Variants in MYO9B observed in about 807,000 individuals in gnomAD.
The protein encoded by MYO9B is unconventional myosin-IXb.
Under a neutral mutation model 229.5 loss-of-function variants are expected in MYO9B, and 71 were observed. The ratio of observed to expected loss-of-function variants is 0.31; its 90% CI spans 0.26 to 0.38. The LOEUF (loss-of-function observed/expected upper bound fraction) is 0.38, where lower values mean the gene tolerates loss of function less well. Among genes scored for constraint, MYO9B ranks in the 10% least tolerant of loss-of-function variants. The probability of loss-of-function intolerance (pLI) is 1.00; values close to 1 mark genes in which losing one functional copy is unlikely to be tolerated. For missense variants in MYO9B, 2,255 were observed against 2,920.5 expected (o/e 0.77, Z 5.25); for synonymous variants, 1,185 against 1,235.8 (o/e 0.96, Z 0.86).
In MYO9B at chr19:17,211,937, C is replaced by T. The variant is rs773010575; in HGVS notation, c.6101C>T (p.Pro2034Leu). 17 of 1,505,670 alleles carry T rather than the reference C, an allele frequency of 1.1e-5. No homozygotes were observed. The highest frequency in any genetic ancestry group is 2.0e-4 in the Middle Eastern group (1 of 5,082). The allele number at this position is 1,505,670 out of a possible 1,614,324, so 93.3% of individuals were successfully genotyped here. ...PALPCPGAPTPSPLPTVAAPP... is the reference protein window; with the variant it reads ...PALPCPGAPTLSPLPTVAAPP... ...CTCCCTTGCCCCGGCGCGCCCACCC[C>T]GAGCCCCCTCCCCACCGTGGCCGCC... Residue 2034 changes from proline (P) to leucine (L), a missense_variant, in exon 40 of 40, where the codon CCG becomes CTG. Pro to Leu is a moderately conservative substitution (Grantham distance 98). Coordinates refer to ENST00000682292, the MANE Select transcript of MYO9B (RefSeq NM_004145.4).
Position 17,212,080 on chromosome 19 carries a change from C to T in MYO9B, c.6244C>T (p.Arg2082Cys), listed in dbSNP as rs762539578. 12 of 1,595,116 alleles carry T rather than the reference C, an allele frequency of 7.5e-6. No individual in the cohort carries two copies. The highest frequency in any genetic ancestry group is 4.5e-5 in the East Asian group (2 of 44,294). The stretch of plus-strand genomic sequence containing the variant: ...ACCAGGCCTGCCCTCCCACCTGCCT[C>T]GCTGGGCACCGGGTGCCCGGGAGGC... Reference protein sequence around the residue: ...LPPGLPSHLPRWAPGAREAAA... With the variant: ...LPPGLPSHLPCWAPGAREAAA... Residue 2082 changes from arginine to cysteine, a missense_variant, in exon 40 of 40, where the codon CGC (arginine) becomes TGC (cysteine). This residue lies in a region of MYO9B where 331 missense variants were observed against 332.5 expected (regional missense o/e 1.00). Transcript: ENST00000682292. This position sits in a 1 kb window ranked among gnomAD's most constrained non-coding sequence, Gnocchi z 5.4.
At position 17,161,979 on chromosome 19, in the gene MYO9B, C is replaced by A. The variant is rs1264116200; in HGVS notation, c.1420-371C>A. On this transcript the variant is annotated intron_variant, in intron 8 of 39. Coordinates refer to ENST00000682292, the MANE Select transcript of MYO9B (RefSeq NM_004145.4). ...CTTCAGCCTGGATAACAGAGTGAGACCCTGTGTCAAAAAAAAAAAAAAAAA... is the reference window on the plus strand; with the variant it reads ...CTTCAGCCTGGATAACAGAGTGAGAACCTGTGTCAAAAAAAAAAAAAAAAA... 2.9e-5 allele frequency among the ~76,000 whole-genome samples: 4 copies of A among 137,812 alleles called. No homozygotes were observed. The Admixed American group carries it at 2.9e-4, about 10-fold the overall frequency. The allele number at this position is 137,812 out of a possible 152,430, so 90.4% of individuals were successfully genotyped here.
At position 17,172,353 on chromosome 19, in the gene MYO9B, G is replaced by T. The variant is rs746963418; in HGVS notation, c.1811G>T (p.Ser604Ile). 6.2e-7 allele frequency: 1 copy of T among 1,613,944 alleles called. No individual in the cohort carries two copies. Among genetic ancestry groups the T allele is most frequent in the Non-Finnish European group, 8.5e-7 (1 of 1,179,882 alleles). ...GTTCCCAGCTTCCCCCACGCCACGAGCCAGACCCTGCTGGCCAAGTTCAAA... is the reference window on the plus strand; with the variant it reads ...GTTCCCAGCTTCCCCCACGCCACGATCCAGACCCTGCTGGCCAAGTTCAAA... ...DEESNFPHATSQTLLAKFKQQ... is the reference protein window; with the variant it reads ...DEESNFPHATIQTLLAKFKQQ... The change falls in exon 12 of 40, where the codon AGC becomes ATC. Residue 604 changes from serine to isoleucine, a missense_variant. Physicochemically the swap from Ser to Ile is moderately radical, Grantham distance 142. Coordinates refer to ENST00000682292, the MANE Select transcript of MYO9B (RefSeq NM_004145.4). The surrounding 1 kb of genome is among the most constrained non-coding windows in gnomAD (Gnocchi z 8.2).
chr19:17,163,111 A>C lies in MYO9B; in HGVS notation c.1660A>C (p.Lys554Gln). The C allele has an allele frequency of 6.4e-7, 1 of 1,556,670 alleles. No homozygotes were observed. The highest frequency in any genetic ancestry group is 8.7e-7 in the Non-Finnish European group (1 of 1,149,804). ...LQYYFNQHIF[K>Q]LEQEEYQGEG... is the part of the protein sequence containing the mutation. The stretch of plus-strand genomic sequence containing the variant: ...GTATTACTTCAACCAGCACATCTTC[A>C]AGCTGGAGCAGGTGCGGAAAGGGCT... The change falls in exon 10 of 40, where the codon AAG becomes CAG. Residue 554 changes from lysine to glutamine, a missense_variant. By Grantham distance (53) the Lys-to-Gln change is moderately conservative. Around this residue, in one of 7 missense-constraint regions of MYO9B, gnomAD observed 220 missense variants for 404.5 expected, o/e 0.54. Transcript: ENST00000682292.
At chr19:17,184,665 C>T (rs1237090184) in intron 16 of MYO9B, 200 bp from the exon 17 acceptor site, 4 of 571,090 alleles carry the variant, frequency 7.0e-6, no homozygotes, top group East Asian at 3.0e-5. Context: ...CCGGAACCAG[C>T]GCTGTGTGCA....
chr19:17,096,728 C>T (rs2057695978), intron 1 of MYO9B, among the ~76,000 whole-genome samples: 2 of 124,808 alleles, frequency 1.6e-5, no homozygotes, highest in Middle Eastern at 4.8e-3. Context: ...TTTTTGGAGA[C>T]GGAGTCTCGC....
At chr19:17,139,464 G>C (rs2072310941) in intron 2 of MYO9B, among the ~76,000 whole-genome samples, 1 of 151,952 alleles carries the variant, frequency 6.6e-6, no homozygotes, top group South Asian at 2.1e-4. Context: ...AGATAGATAG[G>C]CTGGTTACTT....
At chr19:17,084,266 A>G (rs1294676980) in intron 1 of MYO9B, among the ~76,000 whole-genome samples, 2 of 151,608 alleles carry the variant, frequency 1.3e-5, no homozygotes, top group African/African-American at 4.9e-5. Context: ...TGAGCCTGGG[A>G]GGTTGAGGCT....
chr19:17,190,924 T>C (rs34092109), intron 19 of MYO9B, among the ~76,000 whole-genome samples, 173 bp from the exon 20 acceptor site: 81,331 of 151,966 alleles, frequency 0.54, 23,646 homozygotes, highest in African/African-American at 0.74. Flanking sequence ...GGAGTACAGG[T>C]GTGAGCCACC....
chr19:17,175,635 A>C, intron 13 of MYO9B, 28 bp from the exon 14 acceptor site: 1 of 1,532,904 alleles, frequency 6.5e-7, no homozygotes, highest in Non-Finnish European at 8.8e-7. Flanking sequence ...GGCCATCCCC[A>C]CCACCATCCA....
intron 2 of MYO9B, among the ~76,000 whole-genome samples, chr19:17,111,944 G>C (rs541989551): frequency 1.3e-5 from 2 of 152,286 alleles, no homozygotes; most frequent in South Asian, 4.1e-4. Context: ...CATACACGTC[G>C]TAGCATGGAT....
chr19:17,172,905 C>A lies in MYO9B; in HGVS notation c.2082C>A (p.Ala694=). The A allele has an allele frequency of 6.2e-7, 1 of 1,601,750 alleles. No homozygotes were observed. The change falls in exon 13 of 40, where the codon GCC becomes GCA. Residue 694 remains alanine (A), a synonymous_variant. Coordinates refer to ENST00000682292, the MANE Select transcript of MYO9B (RefSeq NM_004145.4). The surrounding 1 kb of genome is among the most constrained non-coding windows in gnomAD (Gnocchi z 8.2). ...CCGTGCTCCGGGCTGCTATCCGGGC[C>A]ATGGCAGTGCTTCGGGAGGCCGGAC... is the stretch of plus-strand genomic sequence containing the variant. The part of the protein sequence containing the change: ...RWAVLRAAIR[A]MAVLREAGRL...
chr19:17,208,557 A>G (rs915379934), intron 35 of MYO9B, among the ~76,000 whole-genome samples: 2 of 151,448 alleles, frequency 1.3e-5, no homozygotes, highest in African/African-American at 4.8e-5. Context: ...TCAGCCTCCC[A>G]AGTAGCTGGG....
intron 2 of MYO9B, among the ~76,000 whole-genome samples, chr19:17,121,461 A>ATATATATATATATATC (rs1260946614): frequency 6.6e-6 from 1 of 151,346 alleles, no homozygotes; most frequent in Admixed American, 6.6e-5. Context: ...ATATATATAT[A>ATATATATATATATATC]TATCCAAGAG....
Position 17,172,140 on chromosome 19 carries a change from A to AGGCAGGCGCACTGTCC in MYO9B, c.1794-181_1794-180insCGGCAGGCGCACTGTC, listed in dbSNP as rs1287875381. Reference sequence around the variant, plus strand: ...TCTGCCAGCATGTTCGGCATGAGGCAGGCAGGCGCACTGTCATTCCTTCCT... The same window carrying AGGCAGGCGCACTGTCC: ...TCTGCCAGCATGTTCGGCATGAGGCAGGCAGGCGCACTGTCCGGCAGGCGCACTGTCATTCCTTCCT... On this transcript the variant is annotated intron_variant, in intron 11 of 39. Transcript: ENST00000682292. This position sits in a 1 kb window ranked among gnomAD's most constrained non-coding sequence, Gnocchi z 8.2. Among the ~76,000 whole-genome samples, 1 of 152,104 alleles carries AGGCAGGCGCACTGTCC rather than the reference A, an allele frequency of 6.6e-6. No homozygotes were observed. The highest frequency in any genetic ancestry group is 2.4e-5 in the African/African-American group (1 of 41,430).
chr19:17,153,026 C>T (rs1489121158), intron 4 of MYO9B, among the ~76,000 whole-genome samples: 2 of 152,140 alleles, frequency 1.3e-5, no homozygotes, highest in Admixed American at 6.5e-5. Context: ...CCTGTAGTCC[C>T]AACTATTCAG....
At chr19:17,138,909 C>T (rs1428644749) in intron 2 of MYO9B, among the ~76,000 whole-genome samples, 2 of 152,088 alleles carry the variant, frequency 1.3e-5, no homozygotes, top group Non-Finnish European at 2.9e-5. Context: ...CGGTGGCTCA[C>T]GCCTGTAATC....
intron 25 of MYO9B, 37 bp downstream of exon 25, chr19:17,200,463 C>A (rs372995144): frequency 7.1e-5 from 109 of 1,544,618 alleles, no homozygotes; most frequent in Non-Finnish European, 9.1e-5. Flanking sequence ...GACAGTAGAG[C>A]CACCAGTGCC....
Position 17,201,991 on chromosome 19 carries a change from C to A in MYO9B, c.4629C>A (p.Phe1543Leu). 1 of 1,612,934 alleles carries A rather than the reference C, an allele frequency of 6.2e-7. No individual in the cohort carries two copies. ...ESLFIEATEK[F>L]RSNIKTMYSV... ...TGTTTATCGAAGCCACCGAGAAGTT[C>A]AGGAGCAACATCAAAACGATGTACT... The change falls in exon 27 of 40, where the codon TTC becomes TTA. Residue 1543 changes from phenylalanine to leucine, a missense_variant. Around this residue, in one of 7 missense-constraint regions of MYO9B, gnomAD observed 416 missense variants for 605.5 expected, o/e 0.69. Transcript: ENST00000682292.
Sources: gnomAD v4.1 joint callset for allele counts (sites outside exome capture counted in the v4.1 genomes callset) on GRCh38, gnomAD v4.1.1 for gene constraint, gnomAD v4.1.1 regional missense constraint, Gnocchi (gnomAD v3.1) non-coding constraint, MANE v1.5 for transcripts, NCBI Gene and HGNC (gene_info 2026-07-23, HGNC 2026-07-21) for gene names.